ANKS6: variants seen among roughly 807,000 people sequenced by gnomAD.
The protein encoded by ANKS6 is ankyrin repeat and SAM domain-containing protein 6.
In ANKS6, 47 loss-of-function variants were observed where a neutral mutation model predicts 77.9. The ratio of observed to expected loss-of-function variants is 0.60; its 90% confidence interval spans 0.48 to 0.77. ANKS6 has a LOEUF of 0.77. Ranked by LOEUF, ANKS6 falls within the 30% of genes least tolerant of loss-of-function variation. The probability of loss-of-function intolerance (pLI) is 0.00; values close to 1 mark genes in which losing one functional copy is unlikely to be tolerated. For missense variants in ANKS6, 1,150 were observed against 1,159.1 expected (o/e 0.99, Z 0.11); for synonymous variants, 488 against 501.7 (o/e 0.97, Z 0.37).
At chr9:98,745,698 C>A (rs766607229) in intron 13 of ANKS6, 23 bp from the exon 14 acceptor site, 4 of 1,576,202 alleles carry the variant, frequency 2.5e-6, no homozygotes, top group Admixed American at 1.7e-5. Context: ...AGGGGATTTG[C>A]CACCATCTGC....
At position 98,778,371 on chromosome 9, in the gene ANKS6, C is replaced by T. The variant is rs1478951049; in HGVS notation, c.1422G>A (p.Thr474=). Residue 474 remains threonine (T), a synonymous_variant, in exon 7 of 15, where the codon ACG becomes ACA. Transcript: ENST00000353234. ...NRFRKLKLMQ[T]LPRGLSSNQP... Reference sequence around the variant, plus strand: ...GGTTGCTGGACAGCCCACGGGGCAGCGTCTGCATCAGTTTGAGCTTTCGGA... The same window carrying T: ...GGTTGCTGGACAGCCCACGGGGCAGTGTCTGCATCAGTTTGAGCTTTCGGA... The T allele has an allele frequency of 3.1e-6, 5 of 1,614,010 alleles. No homozygotes were observed. The African/African-American group carries it at 5.3e-5, about 17-fold the overall frequency.
chr9:98,768,048 G>T, intron 11 of ANKS6, 33 bp downstream of exon 11: 2 of 1,577,520 alleles, frequency 1.3e-6, no homozygotes, highest in Non-Finnish European at 1.7e-6. Context: ...GAATCTGTGA[G>T]TGTAACAGGA....
Position 98,796,252 on chromosome 9 carries a change from G to T in ANKS6, c.240C>A (p.Thr80=). 1 of 1,381,788 alleles carries T rather than the reference G, an allele frequency of 7.2e-7. No individual in the cohort carries two copies. The highest frequency in any genetic ancestry group is 2.6e-4 in the Middle Eastern group (1 of 3,854). The allele number at this position is 1,381,788 out of a possible 1,614,324, so 85.6% of individuals were successfully genotyped here. A position where few individuals can be genotyped will look rare whatever the true frequency, so the allele number is the denominator to read the frequency against. ...PVDCSDEAGN[T]ALQFAAAGGH... is the part of the protein sequence containing the mutation. ...CCCCGGCCGCGGCGAACTGCAGTGC[G>T]GTGTTGCCCGCCTCGTCCGAGCAAT... Residue 80 remains threonine, a synonymous_variant, in exon 1 of 15, where the codon ACC becomes ACA. Transcript: ENST00000353234.
intron 7 of ANKS6, 128 bp downstream of exon 7, chr9:98,778,098 T>TCTATG: frequency 9.0e-7 from 1 of 1,107,480 alleles, no homozygotes; most frequent in Non-Finnish European, 1.3e-6. Flanking sequence ...CAGACCAGCC[T>TCTATG]CTATGCTCCA....
At chr9:98,789,728 T>C (rs1834780571) in intron 2 of ANKS6, among the ~76,000 whole-genome samples, 1 of 152,200 alleles carries the variant, frequency 6.6e-6, no homozygotes, top group African/African-American at 2.4e-5. Context: ...CAGAAGTGAC[T>C]ACTGTAGTTT....
intron 11 of ANKS6, among the ~76,000 whole-genome samples, chr9:98,758,324 CTTTTTT>C (rs35699060): frequency 5.9e-5 from 8 of 134,848 alleles, no homozygotes; most frequent in African/African-American, 1.1e-4. Flanking sequence ...CGCCATCTTT[CTTTTTT>C]TTTTTTTTTG....
intron 2 of ANKS6, among the ~76,000 whole-genome samples, chr9:98,789,197 C>T (rs1008480612): frequency 5.3e-5 from 8 of 151,972 alleles, no homozygotes; most frequent in Non-Finnish European, 8.8e-5. Context: ...CAGTGCTTGA[C>T]CTCTCAGAGC....
intron 13 of ANKS6, among the ~76,000 whole-genome samples, chr9:98,748,266 G>T (rs556951182): frequency 3.3e-5 from 5 of 152,162 alleles, no homozygotes; most frequent in African/African-American, 1.2e-4. Context: ...CAACCCTGGG[G>T]GATGCCAAAC....
At chr9:98,776,900 A>G (rs1833949413) in intron 8 of ANKS6, among the ~76,000 whole-genome samples, 1 of 152,232 alleles carries the variant, frequency 6.6e-6, no homozygotes, top group South Asian at 2.1e-4. Context: ...CCAATGAGCC[A>G]TATACTAGTT....
Position 98,735,007 on chromosome 9 carries a change from C to A in ANKS6, c.*1512G>T. On this transcript the variant is annotated 3_prime_UTR_variant, in exon 15 of 15. Transcript: ENST00000353234. ...GTTAACGACAGCCTCTGAAAGCCAG[C>A]ATAGGGGAATGGGCTTTCATGGCTG... 3.0e-6 allele frequency: 3 copies of A among 985,420 alleles called. No individual in the cohort carries two copies. Among genetic ancestry groups the A allele is most frequent in the Non-Finnish European group, 3.6e-6 (3 of 829,938 alleles). The allele number at this position is 985,420 out of a possible 1,614,324, so 61.0% of individuals were successfully genotyped here. A position where few individuals can be genotyped will look rare whatever the true frequency, so the allele number is the denominator to read the frequency against.
chr9:98,738,576 T>TAA (rs756331864), intron 14 of ANKS6, among the ~76,000 whole-genome samples: 1,178 of 110,002 alleles, frequency 0.011, 19 homozygotes, highest in African/African-American at 0.04. Flanking sequence ...AACAAAAAAA[T>TAA]AAAATAAAAA....
chr9:98,740,515 A>C (rs149309202), intron 14 of ANKS6, among the ~76,000 whole-genome samples: 5 of 152,310 alleles, frequency 3.3e-5, no homozygotes, highest in Admixed American at 1.3e-4. Flanking sequence ...GAGATAATGA[A>C]TGGGGTGGCA....
chr9:98,736,766 G>C (rs952978310), intron 14 of ANKS6, 143 bp from the exon 15 acceptor site: 2 of 1,055,886 alleles, frequency 1.9e-6, no homozygotes, highest in Non-Finnish European at 2.8e-6. Context: ...CTAACTGAAA[G>C]AGTACCGAGT....
chr9:98,789,231 C>T (rs748521514), intron 2 of ANKS6, among the ~76,000 whole-genome samples: 7 of 152,042 alleles, frequency 4.6e-5, no homozygotes, highest in East Asian at 1.9e-4. Flanking sequence ...ACACTGCAGC[C>T]CACCTACTGT....
chr9:98,773,473 C>G lies in ANKS6; in HGVS notation c.1821+404G>C, dbSNP rs143339793. On this transcript the variant is annotated intron_variant, in intron 9 of 14. Transcript: ENST00000353234. ...AGTCATACTCTTGGGCACAAGAAAA[C>G]ACCAGTAGCACACAGAGTTGCCGCT... is the stretch of plus-strand genomic sequence containing the variant. 6.4e-4 allele frequency among the ~76,000 whole-genome samples: 98 copies of G among 152,304 alleles called. 1 individual carries two copies. The highest frequency in any genetic ancestry group is 2.2e-3 in the African/African-American group (90 of 41,566).
intron 2 of ANKS6, among the ~76,000 whole-genome samples, chr9:98,785,752 G>A (rs571755348): frequency 4.5e-4 from 68 of 152,164 alleles, no homozygotes; most frequent in Non-Finnish European, 5.4e-4. Flanking sequence ...GACTCTGGTC[G>A]AAATGAGCCC....
chr9:98,767,256 T>C (rs1226829345), intron 11 of ANKS6, among the ~76,000 whole-genome samples: 2 of 152,184 alleles, frequency 1.3e-5, no homozygotes, highest in African/African-American at 4.8e-5. Flanking sequence ...CTCATGTCCT[T>C]CCTTCAGCTC....
intron 12 of ANKS6, 40 bp downstream of exon 12, chr9:98,756,380 G>A (rs748145862): frequency 6.3e-7 from 1 of 1,593,772 alleles, no homozygotes; most frequent in South Asian, 1.1e-5. Flanking sequence ...TCATCATGGT[G>A]AGAGGAATAG....
At chr9:98,783,771 C>T (rs1464707735) in intron 4 of ANKS6, 182 bp downstream of exon 4, 1 of 468,868 alleles carries the variant, frequency 2.1e-6, no homozygotes, top group Non-Finnish European at 3.4e-6. Flanking sequence ...AATCTGGACA[C>T]AGAAGGGTGG....
Sources: gnomAD v4.1 joint callset for allele counts (sites outside exome capture counted in the v4.1 genomes callset) on GRCh38, gnomAD v4.1.1 for gene constraint, MANE v1.5 for transcripts, NCBI Gene and HGNC (gene_info 2026-07-23, HGNC 2026-07-21) for gene names.